Variants in CFAP92 observed in about 807,000 individuals in gnomAD.
CFAP92 encodes the protein cilia and flagella associated protein 92 (putative), also known as uncharacterized protein CFAP92.
A neutral mutation model predicts 106.3 loss-of-function variants in CFAP92; 86 were observed. The observed-to-expected ratio is 0.81, with a 90% confidence interval of 0.68 to 0.97. The LOEUF is 0.97. CFAP92 is among the 50% of genes least tolerant of loss of function. The pLI is 0.00. For missense variants in CFAP92, 1,204 were observed against 1,283.8 expected, an observed-to-expected ratio of 0.94 and a Z score of 0.95; for synonymous variants, 477 against 506.4, an observed-to-expected ratio of 0.94 and a Z score of 0.78.
At chr3:128,970,537 A>G (rs1942713652) in intron 8 of CFAP92, 2 of 152,246 alleles carry the variant, frequency 1.3e-5, no homozygotes, top group African/African-American at 2.4e-5. Flanking sequence ...AGTTCACCCC[A>G]TATTACTCTT....
rs1342303402 is a variant in CFAP92 at position 129,001,618 on chromosome 3, G to A, written n.117+956C>T. 7.4e-6 allele frequency: 10 copies of A among 1,351,220 alleles called. No homozygotes were observed. In the African/African-American group the frequency reaches 1.4e-4, roughly 19 times the overall value. The allele number at this position is 1,351,220 out of a possible 1,614,324, so 83.7% of individuals were successfully genotyped here. ...AGGAGGGACCGGAGGAGCGAGGCGC[G>A]CGGCGCAGCGATGGAGCCGGTCAGC... On this transcript the variant is annotated intron_variant and non_coding_transcript_variant, in intron 1 of 4. Coordinates refer to the CFAP92 transcript ENST00000510149.
In CFAP92 at chr3:128,915,138, G is replaced by C. The variant is rs1041446692; in HGVS notation, c.3261C>G (p.Pro1087=). The C allele has an allele frequency of 6.5e-7, 1 of 1,535,952 alleles. No individual in the cohort carries two copies. The highest frequency in any genetic ancestry group is 1.2e-5 in the South Asian group (1 of 84,042). Residue 1087 remains proline, a synonymous_variant, in exon 15 of 16, where the codon CCC becomes CCG. Coordinates refer to ENST00000645291, the MANE Select transcript of CFAP92 (RefSeq NM_001394090.1). ...TGTTACCTGTTACAGGCTTTGGTGC[G>C]GGCGAAGGGAGCAGCTCGAGGAAAG... ...PPPFLELLPS[P]APKPVTVRKK... is the part of the protein sequence containing the mutation.
intron 10 of CFAP92, among the ~76,000 whole-genome samples, chr3:128,938,329 T>C (rs990689138): frequency 2.0e-5 from 3 of 152,124 alleles, no homozygotes; most frequent in African/African-American, 7.2e-5. Flanking sequence ...TTGATTTTCA[T>C]GAATTGTGTG....
At chr3:128,923,472 G>C (rs1937468219) in intron 12 of CFAP92, among the ~76,000 whole-genome samples, 1 of 152,222 alleles carries the variant, frequency 6.6e-6, no homozygotes, top group African/African-American at 2.4e-5. Context: ...CTGAATACAA[G>C]AGACCCTAAT....
chr3:128,971,440 A>G lies in CFAP92; in HGVS notation c.1022-7T>C, dbSNP rs368966240. 108 of 1,591,590 alleles carry G rather than the reference A, an allele frequency of 6.8e-5. No homozygotes were observed. The African/African-American group carries it at 1.3e-3, about 20-fold the overall frequency. On this transcript the variant is annotated splice_region_variant and splice_polypyrimidine_tract_variant and intron_variant, in intron 7 of 15. Transcript: ENST00000645291. ...TCTGAATCTTTCCCTTTAACTGTGA[A>G]ATCAAACAAAGGAGATGAGCATTAA...
intron 12 of CFAP92, among the ~76,000 whole-genome samples, chr3:128,922,504 T>C (rs1937377652): frequency 6.6e-6 from 1 of 152,178 alleles, no homozygotes; most frequent in African/African-American, 2.4e-5. Context: ...GGAAAGGCTG[T>C]ATATTGGGTT....
chr3:129,012,581 C>T, the CFAP92 span, among the ~76,000 whole-genome samples: 2 of 152,204 alleles, frequency 1.3e-5, no homozygotes, highest in African/African-American at 4.8e-5. Flanking sequence ...ATTGGCCCAG[C>T]CTGGGTCACA....
intron 15 of CFAP92, chr3:128,910,964 A>G: frequency 1.1e-6 from 1 of 929,816 alleles, no homozygotes; most frequent in Non-Finnish European, 1.7e-6. Flanking sequence ...GCCTGGGCTT[A>G]GCTGCAGCAG....
chr3:128,999,744 T>C (rs1340328958), intron 1 of CFAP92, among the ~76,000 whole-genome samples: 2 of 151,532 alleles, frequency 1.3e-5, no homozygotes, highest in African/African-American at 2.4e-5. Context: ...TGGTTCACTA[T>C]GTTGTCCAGG....
At chr3:128,925,834 A>G (rs1413329529) in intron 12 of CFAP92, among the ~76,000 whole-genome samples, 1 of 152,220 alleles carries the variant, frequency 6.6e-6, no homozygotes, top group South Asian at 2.1e-4. Context: ...TCTTCAAAAG[A>G]ACAAGACTGG....
intron 15 of CFAP92, chr3:128,913,032 T>TAAACTAGAAGC (rs1936520965): frequency 2.2e-6 from 1 of 457,124 alleles, no homozygotes; most frequent in Admixed American, 2.3e-5. Context: ...GTCATTCATT[T>TAAACTAGAAGC]AAACTAGAAG....
upstream of CFAP92, among the ~76,000 whole-genome samples, chr3:129,005,756 C>A (rs976017359): frequency 4.6e-5 from 7 of 152,238 alleles, no homozygotes; most frequent in African/African-American, 1.7e-4. Flanking sequence ...AGGCATGGGG[C>A]TAGAGGGAGG....
chr3:128,982,357 C>T (rs1943586569), intron 4 of CFAP92, among the ~76,000 whole-genome samples: 1 of 152,240 alleles, frequency 6.6e-6, no homozygotes, highest in Non-Finnish European at 1.5e-5. Context: ...TTTGCAGCGT[C>T]CTCACCTCTC....
At chr3:128,960,702 T>A (rs1366828726) in intron 9 of CFAP92, among the ~76,000 whole-genome samples, 1 of 152,030 alleles carries the variant, frequency 6.6e-6, no homozygotes, top group East Asian at 1.9e-4. Context: ...CCTTAGCGGC[T>A]AGTCCCGCTT....
In CFAP92 at chr3:128,994,049, G is replaced by T. The variant is rs1260096422; in HGVS notation, c.-102C>A. 1.0e-6 allele frequency: 1 copy of T among 986,562 alleles called. No individual in the cohort carries two copies. Among genetic ancestry groups the T allele is most frequent in the Non-Finnish European group, 1.2e-6 (1 of 830,502 alleles). The allele number at this position is 986,562 out of a possible 1,614,324, so 61.1% of individuals were successfully genotyped here. ...CGGCAACTCCCGTACCGGATCCACA[G>T]CCACCTGGGCGAAGAGACTCCAAGA... is the stretch of plus-strand genomic sequence containing the variant. On this transcript the variant is annotated 5_prime_UTR_variant, in exon 1 of 16. The change creates a new upstream start codon in the 5' untranslated region. Coordinates refer to ENST00000645291, the MANE Select transcript of CFAP92 (RefSeq NM_001394090.1).
intron 9 of CFAP92, among the ~76,000 whole-genome samples, chr3:128,956,435 C>T (rs1268340174): frequency 2.0e-5 from 3 of 151,650 alleles, no homozygotes; most frequent in Admixed American, 6.6e-5. Context: ...TCAAATTTGG[C>T]AAAATACATA....
chr3:128,912,598 G>C lies in CFAP92; in HGVS notation c.3281-2265C>G, dbSNP rs560523989. On this transcript the variant is annotated intron_variant, in intron 15 of 15. Transcript: ENST00000645291. The stretch of plus-strand genomic sequence containing the variant: ...ATATCTGTGCCCACCCTCTGGACAG[G>C]ACATGCTGAGGCAGGGGACAGTGTC... The C allele has an allele frequency of 6.2e-7, 1 of 1,613,936 alleles. No individual in the cohort carries two copies. The highest frequency in any genetic ancestry group is 8.5e-7 in the Non-Finnish European group (1 of 1,179,930).
intron 2 of CFAP92, 89 bp downstream of exon 2, chr3:128,992,954 G>T: frequency 6.8e-7 from 1 of 1,469,018 alleles, no homozygotes; most frequent in Non-Finnish European, 9.4e-7. Context: ...GGTGGAGAGA[G>T]GATGTGGGGT....
At chr3:128,911,049 A>G (rs545448106) in intron 15 of CFAP92, among the ~76,000 whole-genome samples, 119 of 151,920 alleles carry the variant, frequency 7.8e-4, no homozygotes, top group Admixed American at 1.5e-3. Context: ...GTGTGTGTGT[A>G]TGTATGTATG....
Sources: allele counts gnomAD v4.1 joint callset (sites outside exome capture counted in the v4.1 genomes callset), GRCh38; gene constraint gnomAD v4.1.1; transcripts MANE v1.5; gene names NCBI Gene and HGNC (gene_info 2026-07-23, HGNC 2026-07-21).